The following CCDC33 variants were observed in gnomAD, a reference collection of about 807,000 sequenced individuals.
The protein encoded by CCDC33 is coiled-coil domain-containing protein 33.
CCDC33 carries 94 observed loss-of-function variants against 91.9 expected under a neutral mutation model. The observed-to-expected ratio is 1.02, with a 90% CI of 0.87 to 1.21. The LOEUF (loss-of-function observed/expected upper bound fraction) is 1.21. Among genes scored for constraint, CCDC33 ranks in the 50% most tolerant of loss-of-function variants. The pLI is 0.00. For missense variants in CCDC33, 940 were observed against 935.5 expected (o/e 1.00, Z -0.06); for synonymous variants, 396 against 374.5 (o/e 1.06, Z -0.66).
At position 74,272,962 on chromosome 15, in the gene CCDC33, A is replaced by G. The variant is rs2076360840; in HGVS notation, c.759+71A>G. On this transcript the variant is annotated intron_variant, in intron 7 of 18. Coordinates refer to ENST00000398814, the MANE Select transcript of CCDC33 (RefSeq NM_025055.5). ...ACATTCACTGTTCACTCACTCAGTG[A>G]GTCAGTCAGCAGTTCCCTTGACTAT... The G allele has an allele frequency of 1.9e-6, 3 of 1,583,030 alleles. No individual in the cohort carries two copies. The Admixed American group carries it at 5.0e-5, about 27-fold the overall frequency.
intron 5 of CCDC33, among the ~76,000 whole-genome samples, chr15:74,268,845 G>C (rs2076241807): frequency 6.6e-6 from 1 of 152,222 alleles, no homozygotes; most frequent in South Asian, 2.1e-4. Context: ...CAGCCCAGCA[G>C]TTTCCTGCTC....
chr15:74,245,657 G>A (rs1454822061), intron 2 of CCDC33, among the ~76,000 whole-genome samples: 1 of 152,110 alleles, frequency 6.6e-6, no homozygotes, highest in Non-Finnish European at 1.5e-5. Flanking sequence ...CGCGCGGCAG[G>A]AGCCTAGGCG....
intron 4 of CCDC33, 125 bp from the exon 5 acceptor site, chr15:74,268,217 T>C: frequency 1.4e-6 from 1 of 711,588 alleles, no homozygotes; most frequent in Non-Finnish European, 2.6e-6. Context: ...GAGCTTTAAT[T>C]ATCAGCTCGG....
chr15:74,218,726 C>G lies in CCDC33; in HGVS notation c.540C>G (p.His180Gln). 7.8e-7 allele frequency: 1 copy of G among 1,289,848 alleles called. No individual in the cohort carries two copies. 79.9% of individuals were successfully genotyped at this position (1,289,848 alleles called of 1,614,324 possible). Residue 180 changes from histidine (H) to glutamine (Q), a missense_variant, in exon 2 of 3, where the codon CAC becomes CAG. By Grantham distance (24) the His-to-Gln change is conservative. Transcript: ENST00000635913. This position sits in a 1 kb window ranked among gnomAD's most constrained non-coding sequence, Gnocchi z 4.8. ...CTAGCACGGACCCCACAGCCCGACA[C>G]TGTGGGAGCCTGGCCTACAGTGTGG... is the stretch of plus-strand genomic sequence containing the variant.
intron 1 of CCDC33, among the ~76,000 whole-genome samples, chr15:74,243,042 C>G (rs769904091): frequency 6.6e-5 from 10 of 152,218 alleles, no homozygotes; most frequent in Non-Finnish European, 1.3e-4. Flanking sequence ...CTCAGCAGCT[C>G]TCGTTAAGAT....
rs1596017076 is a variant in CCDC33 at position 74,280,580 on chromosome 15, G to T, written c.890-88G>T. On this transcript the variant is annotated intron_variant, in intron 8 of 18. Transcript: ENST00000398814. ...CCAGGAGGCAGGAAAGCAGGCAGCGGGAGACAGGAGGACTGGATGTCAGGT... is the reference window on the plus strand; with the variant it reads ...CCAGGAGGCAGGAAAGCAGGCAGCGTGAGACAGGAGGACTGGATGTCAGGT... The T allele has an allele frequency of 9.4e-6, 13 of 1,389,170 alleles. No individual in the cohort carries two copies. In the Admixed American group the frequency reaches 3.3e-4, roughly 35 times the overall value. 86.1% of individuals were successfully genotyped at this position (1,389,170 alleles called of 1,614,324 possible).
rs372613160 is a variant in CCDC33, at chr15:74,330,371, C to T, written c.1456+17C>T. 1.9e-6 allele frequency: 3 copies of T among 1,553,882 alleles called. No homozygotes were observed. The highest frequency in any genetic ancestry group is 4.6e-5 in the East Asian group (2 of 43,124). On this transcript the variant is annotated intron_variant, in intron 12 of 18. Coordinates refer to ENST00000398814, the MANE Select transcript of CCDC33 (RefSeq NM_025055.5). ...AGAACACGGGTGAGGATGTGCAGGC[C>T]ACCAAGGGCACCCGGGCTTCTGCCT... is the stretch of plus-strand genomic sequence containing the variant.
At chr15:74,306,657 G>A (rs1035148011) in intron 11 of CCDC33, among the ~76,000 whole-genome samples, 4 of 152,162 alleles carry the variant, frequency 2.6e-5, no homozygotes, top group Admixed American at 6.5e-5. Flanking sequence ...TTAATGGAGC[G>A]AATGCCTCCC....
Position 74,308,058 on chromosome 15 carries a change from C to A in CCDC33, c.1290+12110C>A, listed in dbSNP as rs191444815. Among the ~76,000 whole-genome samples, 145 of 152,220 alleles carry A rather than the reference C, an allele frequency of 9.5e-4. No homozygotes were observed. The East Asian group carries it at 0.026, about 28-fold the overall frequency. On this transcript the variant is annotated intron_variant, in intron 11 of 18. Coordinates refer to ENST00000398814, the MANE Select transcript of CCDC33 (RefSeq NM_025055.5). Reference sequence around the variant, plus strand: ...GGATCCCAGTTACCCAGGGTGAGGTCTAAAGCGGGCACGGGCTCTAGGTGG... The same window carrying A: ...GGATCCCAGTTACCCAGGGTGAGGTATAAAGCGGGCACGGGCTCTAGGTGG...
In CCDC33 at chr15:74,330,990, C is replaced by A; in HGVS notation, c.1555C>A (p.Arg519=). 1.3e-6 allele frequency: 2 copies of A among 1,587,258 alleles called. No homozygotes were observed. The highest frequency in any genetic ancestry group is 1.7e-6 in the Non-Finnish European group (2 of 1,166,590). Reference sequence around the variant, plus strand: ...CTCCCCCATCTCACAGAAGAATGATCGAGAGAAGGAGCTGCTCCTTCTGTA... The same window carrying A: ...CTCCCCCATCTCACAGAAGAATGATAGAGAGAAGGAGCTGCTCCTTCTGTA... ...LQNELIRKND[R]EKELLLLYQA... The change falls in exon 14 of 19, where the codon CGA becomes AGA. Residue 519 remains arginine, a synonymous_variant. Transcript: ENST00000398814.
intron 11 of CCDC33, among the ~76,000 whole-genome samples, chr15:74,310,468 C>T (rs977771186): frequency 1.0e-4 from 15 of 148,528 alleles, no homozygotes; most frequent in African/African-American, 3.8e-4. Context: ...ACCCAGGAGA[C>T]AGAGGTTGCA....
Position 74,316,827 on chromosome 15 carries a change from A to G in CCDC33, c.1291-13362A>G, listed in dbSNP as rs1232564914. 2.0e-5 allele frequency among the ~76,000 whole-genome samples: 3 copies of G among 152,156 alleles called. No homozygotes were observed. The highest frequency in any genetic ancestry group is 2.9e-5 in the Non-Finnish European group (2 of 68,020). On this transcript the variant is annotated intron_variant, in intron 11 of 18. Coordinates refer to ENST00000398814, the MANE Select transcript of CCDC33 (RefSeq NM_025055.5). This position sits in a 1 kb window ranked among gnomAD's most constrained non-coding sequence, Gnocchi z 4.7. ...CTCGGACGTGTACACTCGCAGCCTC[A>G]TTTAATCCCCAACAGCGTTATGAGA...
intron 11 of CCDC33, among the ~76,000 whole-genome samples, chr15:74,319,077 G>A (rs1429450143): frequency 6.6e-6 from 1 of 152,220 alleles, no homozygotes; most frequent in Non-Finnish European, 1.5e-5. Context: ...GAGTGGGTGT[G>A]GCAGATGGGG....
At chr15:74,334,221 G>T (rs962437248) in intron 17 of CCDC33, among the ~76,000 whole-genome samples, 81 of 152,052 alleles carry the variant, frequency 5.3e-4, no homozygotes, top group Non-Finnish European at 4.7e-4. Context: ...CAGGGTTAGG[G>T]TTCAATGTGC....
chr15:74,240,015 G>A (rs970118759), intron 1 of CCDC33, among the ~76,000 whole-genome samples: 5 of 152,232 alleles, frequency 3.3e-5, no homozygotes, highest in Non-Finnish European at 5.9e-5. Flanking sequence ...AATAAAAAAG[G>A]GATAGCAGGA....
chr15:74,228,899 C>T (rs958961167), intron 2 of CCDC33, among the ~76,000 whole-genome samples: 1 of 152,126 alleles, frequency 6.6e-6, no homozygotes, highest in Non-Finnish European at 1.5e-5. Context: ...GTAGAGATGG[C>T]GGGTGGTGTG....
At chr15:74,286,414 C>G (rs1156731337) in intron 10 of CCDC33, among the ~76,000 whole-genome samples, 1 of 152,038 alleles carries the variant, frequency 6.6e-6, no homozygotes, top group Non-Finnish European at 1.5e-5. Context: ...GGCAAAGCAG[C>G]TTGGCTCTCT....
chr15:74,271,796 TGA>T lies in CCDC33; in HGVS notation c.638+4_638+5del. 1 of 1,612,748 alleles carries T rather than the reference TGA, an allele frequency of 6.2e-7. No individual in the cohort carries two copies. The highest frequency in any genetic ancestry group is 1.1e-5 in the South Asian group (1 of 90,990). On this transcript the variant is annotated splice_donor_region_variant and intron_variant, in intron 6 of 18. Transcript: ENST00000398814. Reference sequence around the variant, plus strand: ...CGTTCCCAACTACAAGGAATTTAAGTGAGTGGGGCCCAGGTGGACCTGGGTGA... The same window carrying T: ...CGTTCCCAACTACAAGGAATTTAAGTGTGGGGCCCAGGTGGACCTGGGTGA...
intron 11 of CCDC33, among the ~76,000 whole-genome samples, chr15:74,327,988 C>G (rs1000658788): frequency 1.3e-5 from 2 of 152,218 alleles, no homozygotes; most frequent in Non-Finnish European, 2.9e-5. Context: ...CTGCAGTGAG[C>G]ATCCCTGCAT....
Sources: allele counts gnomAD v4.1 joint callset (sites outside exome capture counted in the v4.1 genomes callset), GRCh38; gene constraint gnomAD v4.1.1; non-coding constraint Gnocchi (gnomAD v3.1); transcripts MANE v1.5; gene names NCBI Gene and HGNC (gene_info 2026-07-23, HGNC 2026-07-21).